Variants in SPIN1 observed in about 807,000 individuals in gnomAD.
SPIN1 encodes spindlin-1.
SPIN1 carries 3 observed loss-of-function variants against 26.0 expected under a neutral mutation model. That is an observed-to-expected ratio of 0.12 (90% confidence interval 0.05 to 0.30). The LOEUF is 0.30. Among genes scored for constraint, SPIN1 ranks in the 10% least tolerant of loss-of-function variants. The pLI is 1.00. For missense variants in SPIN1, 126 were observed against 333.4 expected, an observed-to-expected ratio of 0.38 and a Z score of 4.84; for synonymous variants, 101 against 116.5, an observed-to-expected ratio of 0.87 and a Z score of 0.86.
intron 1 of SPIN1, among the ~76,000 whole-genome samples, chr9:88,413,819 A>T (rs532480774): frequency 6.6e-6 from 1 of 152,304 alleles, no homozygotes; most frequent in Admixed American, 6.5e-5. Context: ...TGGATGTATG[A>T]TTTCGATACA....
rs369615110 is a variant in SPIN1, at chr9:88,401,185, T to C, written c.-159+12647T>C. 2.6e-5 allele frequency among the ~76,000 whole-genome samples: 4 copies of C among 152,302 alleles called. No individual in the cohort carries two copies. The East Asian group carries it at 5.8e-4, about 22-fold the overall frequency. ...GTTTCACTGCTAGGATTTTATTGTATAGATGAATTTGGACAGTATACAAAT... is the reference window on the plus strand; with the variant it reads ...GTTTCACTGCTAGGATTTTATTGTACAGATGAATTTGGACAGTATACAAAT... On this transcript the variant is annotated intron_variant, in intron 1 of 5. Coordinates refer to ENST00000375859, the MANE Select transcript of SPIN1 (RefSeq NM_006717.3).
At chr9:88,411,189 T>C (rs921460172) in intron 1 of SPIN1, 55 of 1,302,786 alleles carry the variant, frequency 4.2e-5, no homozygotes, top group Non-Finnish European at 5.6e-5. Context: ...GAATCTTCTG[T>C]TGAGACAGCT....
chr9:88,389,046 G>A (rs1003739390), intron 1 of SPIN1, among the ~76,000 whole-genome samples: 1 of 151,830 alleles, frequency 6.6e-6, no homozygotes, highest in Non-Finnish European at 1.5e-5. Context: ...CGACGGGTCG[G>A]GTCACCCCGG....
intron 5 of SPIN1, among the ~76,000 whole-genome samples, chr9:88,469,015 A>T (rs1031737891): frequency 1.3e-5 from 2 of 152,158 alleles, no homozygotes; most frequent in African/African-American, 4.8e-5. Flanking sequence ...ATCCCAAGAC[A>T]TTGATTATTT....
rs370857772 is a variant in SPIN1, at chr9:88,429,785, G to T, written c.52+3194G>T. On this transcript the variant is annotated intron_variant, in intron 2 of 5. Coordinates refer to ENST00000375859, the MANE Select transcript of SPIN1 (RefSeq NM_006717.3). Reference sequence around the variant, plus strand: ...AGCCCCTGTCCCGTAACAGTGGGTGGTTGAAAGTCCTGATCCTTTAGTCAT... The same window carrying T: ...AGCCCCTGTCCCGTAACAGTGGGTGTTTGAAAGTCCTGATCCTTTAGTCAT... Among the ~76,000 whole-genome samples, 192 of 152,254 alleles carry T rather than the reference G, an allele frequency of 1.3e-3. 5 individuals are homozygous for T. The South Asian group carries it at 0.036, about 29-fold the overall frequency.
At chr9:88,396,230 C>T (rs1365599021) in intron 1 of SPIN1, among the ~76,000 whole-genome samples, 2 of 150,824 alleles carry the variant, frequency 1.3e-5, no homozygotes, top group African/African-American at 2.4e-5. Flanking sequence ...CAGAGTGAGA[C>T]TCCATCTCAA....
At chr9:88,448,902 A>G (rs1444253938) in intron 2 of SPIN1, 39 bp from the exon 3 acceptor site, 1 of 1,600,738 alleles carries the variant, frequency 6.2e-7, no homozygotes. Flanking sequence ...GTATTCTTTT[A>G]TCTGGTTTTC....
At chr9:88,467,347 GGGAT>G (rs1418079812) in intron 4 of SPIN1, among the ~76,000 whole-genome samples, 11 of 152,096 alleles carry the variant, frequency 7.2e-5, no homozygotes, top group Admixed American at 1.3e-4. Context: ...TGCTTTCATG[GGGAT>G]GTACAAGCAA....
At chr9:88,429,979 C>A (rs1347113421) in intron 2 of SPIN1, among the ~76,000 whole-genome samples, 1 of 152,056 alleles carries the variant, frequency 6.6e-6, no homozygotes, top group Non-Finnish European at 1.5e-5. Context: ...AGAAGTATAG[C>A]CTATTTTGGA....
chr9:88,404,659 T>TA (rs1827256810), intron 1 of SPIN1, among the ~76,000 whole-genome samples: 1 of 152,126 alleles, frequency 6.6e-6, no homozygotes, highest in Admixed American at 6.6e-5. Context: ...TTCATGCCTG[T>TA]AATCCCAGCA....
At chr9:88,431,749 C>A (rs569238319) in intron 2 of SPIN1, among the ~76,000 whole-genome samples, 1 of 152,126 alleles carries the variant, frequency 6.6e-6, no homozygotes. Flanking sequence ...GGCTTTCAAT[C>A]TTCAGATTAA....
chr9:88,448,517 T>G (rs1828296744), intron 2 of SPIN1, among the ~76,000 whole-genome samples: 1 of 147,912 alleles, frequency 6.8e-6, no homozygotes, highest in Admixed American at 6.6e-5. Context: ...ACACTTGGCT[T>G]GTTGTTTTTT....
At chr9:88,470,321 G>T (rs1472822963) in intron 5 of SPIN1, among the ~76,000 whole-genome samples, 1 of 152,090 alleles carries the variant, frequency 6.6e-6, no homozygotes, top group Non-Finnish European at 1.5e-5. Flanking sequence ...TTTCCTTTGG[G>T]TATATACCTA....
chr9:88,404,915 C>CAA (rs112038274), intron 1 of SPIN1, among the ~76,000 whole-genome samples: 6 of 83,872 alleles, frequency 7.2e-5, no homozygotes, highest in African/African-American at 1.3e-4. Context: ...GATTTCGTCT[C>CAA]AAAAAAAAAA....
intron 1 of SPIN1, chr9:88,391,365 T>C (rs1176909461): frequency 1.7e-5 from 3 of 171,814 alleles, no homozygotes; most frequent in Admixed American, 1.1e-4. Context: ...TGACAGTTTA[T>C]GGTTGAATTG....
At chr9:88,412,054 C>A (rs1374229515) in intron 1 of SPIN1, among the ~76,000 whole-genome samples, 7 of 151,838 alleles carry the variant, frequency 4.6e-5, no homozygotes, top group Non-Finnish European at 8.8e-5. Context: ...TGGTGGGCGC[C>A]TGTAGTCCCA....
intron 3 of SPIN1, among the ~76,000 whole-genome samples, chr9:88,452,000 A>G (rs1448030538): frequency 6.6e-6 from 1 of 152,316 alleles, no homozygotes; most frequent in East Asian, 1.9e-4. Flanking sequence ...TTTCCATTCC[A>G]TGCTACTGTT....
At chr9:88,469,596 C>G (rs1297918152) in intron 5 of SPIN1, among the ~76,000 whole-genome samples, 1 of 137,776 alleles carries the variant, frequency 7.3e-6, no homozygotes, top group Non-Finnish European at 1.5e-5. Context: ...CTCACTGCAA[C>G]CTCCGCCTCC....
intron 3 of SPIN1, among the ~76,000 whole-genome samples, chr9:88,458,407 C>G (rs549071745): frequency 1.3e-5 from 2 of 152,312 alleles, no homozygotes; most frequent in South Asian, 4.1e-4. Flanking sequence ...GAGGAGGACT[C>G]TTGGCCAGAT....
Sources: gnomAD v4.1 joint callset for allele counts (sites outside exome capture counted in the v4.1 genomes callset) on GRCh38, gnomAD v4.1.1 for gene constraint, MANE v1.5 for transcripts, NCBI Gene and HGNC (gene_info 2026-07-23, HGNC 2026-07-21) for gene names.